Variants in HIVEP1 observed in about 807,000 individuals in gnomAD.
HIVEP1 encodes HIVEP zinc finger 1.
A neutral mutation model predicts 180.0 loss-of-function variants in HIVEP1; 36 were observed. The ratio of observed to expected loss-of-function variants is 0.20; its 90% CI spans 0.15 to 0.26. The LOEUF (loss-of-function observed/expected upper bound fraction) is 0.26, where lower values mean the gene tolerates loss of function less well. Ranked by LOEUF, HIVEP1 falls within the 10% of genes least tolerant of loss-of-function variation. HIVEP1 has a pLI of 1.00. For synonymous variants in HIVEP1, 1,239 were observed against 1,239.0 expected, an observed-to-expected ratio of 1.00 and a Z score of 0.00; for missense variants, 3,143 against 3,268.7, an observed-to-expected ratio of 0.96 and a Z score of 0.94.
At chr6:12,042,597 A>G (rs1173913762) in intron 2 of HIVEP1, among the ~76,000 whole-genome samples, 2 of 151,788 alleles carry the variant, frequency 1.3e-5, no homozygotes, top group African/African-American at 2.4e-5. Context: ...TGCCTTTATT[A>G]TACAGAATTT....
At chr6:12,022,095 A>G (rs1207507330) in intron 2 of HIVEP1, among the ~76,000 whole-genome samples, 2 of 152,218 alleles carry the variant, frequency 1.3e-5, no homozygotes, top group Non-Finnish European at 2.9e-5. Context: ...AAAACTTGTG[A>G]TAATTTTAAT....
Position 12,163,634 on chromosome 6 carries a change from A to G in HIVEP1, c.7330A>G (p.Thr2444Ala), listed in dbSNP as rs1404026932. 8.7e-6 allele frequency: 14 copies of G among 1,614,042 alleles called. No homozygotes were observed. The highest frequency in any genetic ancestry group is 3.3e-5 in the South Asian group (3 of 91,086). ...CAGAACTTTGGGTACTCATAGGAATACGGTCACAGAAGTGTCTGGCACTAC... is the reference window on the plus strand; with the variant it reads ...CAGAACTTTGGGTACTCATAGGAATGCGGTCACAGAAGTGTCTGGCACTAC... ...VHRTLGTHRN[T>A]VTEVSGTTNP... The change falls in exon 9 of 9, where the codon ACG becomes GCG. Residue 2444 changes from threonine (T) to alanine (A), a missense_variant. This residue lies in a region of HIVEP1 where 595 missense variants were observed against 602.2 expected (regional missense o/e 0.99). Coordinates refer to ENST00000379388, the MANE Select transcript of HIVEP1 (RefSeq NM_002114.4).
At chr6:12,033,322 A>ATATG (rs146256803) in intron 2 of HIVEP1, among the ~76,000 whole-genome samples, 18 of 148,882 alleles carry the variant, frequency 1.2e-4, no homozygotes, top group Admixed American at 4.7e-4. Flanking sequence ...GTAGAGGAGC[A>ATATG]TGTGTGTGTG....
At chr6:12,099,080 G>T (rs1419158991) in intron 3 of HIVEP1, among the ~76,000 whole-genome samples, 2 of 152,240 alleles carry the variant, frequency 1.3e-5, no homozygotes, top group African/African-American at 4.8e-5. Flanking sequence ...TTCATGCATG[G>T]CCTGATCTGC....
the HIVEP1 span, among the ~76,000 whole-genome samples, chr6:12,183,388 G>A: frequency 1.3e-5 from 2 of 152,354 alleles, no homozygotes; most frequent in South Asian, 2.1e-4. Context: ...CTGTGGAGCA[G>A]ACTCGCTTTA....
intron 3 of HIVEP1, among the ~76,000 whole-genome samples, chr6:12,112,085 C>G (rs939926788): frequency 1.3e-5 from 2 of 152,052 alleles, no homozygotes; most frequent in Admixed American, 6.5e-5. Context: ...TCAGTATAGG[C>G]CTGAAGACAA....
chr6:12,008,408 A>T (rs1332516705), upstream of HIVEP1: 1 of 152,186 alleles, frequency 6.6e-6, no homozygotes, highest in African/African-American at 2.4e-5. Flanking sequence ...GGGAAAATGA[A>T]TCTAATGTAG....
upstream of HIVEP1, chr6:12,012,261 GC>G (rs1465019617): frequency 1.5e-5 from 2 of 132,476 alleles, no homozygotes; most frequent in Admixed American, 7.3e-5. Flanking sequence ...TCCCCCCCCC[GC>G]CCCCCGGCCC....
chr6:12,114,973 C>G (rs1464414667), intron 3 of HIVEP1, among the ~76,000 whole-genome samples: 33 of 152,144 alleles, frequency 2.2e-4, no homozygotes, highest in Non-Finnish European at 2.9e-5. Flanking sequence ...CAAAAGAGAT[C>G]TGAAGTTTTT....
intron 2 of HIVEP1, among the ~76,000 whole-genome samples, chr6:12,073,584 C>T (rs936553846): frequency 1.3e-5 from 2 of 152,204 alleles, no homozygotes; most frequent in African/African-American, 4.8e-5. Context: ...GTGGCCTCAC[C>T]TCCTTCGCAT....
At chr6:12,099,455 C>T (rs370811929) in intron 3 of HIVEP1, among the ~76,000 whole-genome samples, 5 of 152,028 alleles carry the variant, frequency 3.3e-5, no homozygotes, top group African/African-American at 7.3e-5. Flanking sequence ...CGTGAGCCAC[C>T]GCGCCCGGCC....
chr6:12,092,687 CT>C (rs756668679), intron 3 of HIVEP1, among the ~76,000 whole-genome samples: 26 of 151,988 alleles, frequency 1.7e-4, no homozygotes, highest in Non-Finnish European at 2.6e-4. Context: ...TATGTTTAGT[CT>C]TTTTTTTCCT....
rs1349487881 is a variant in HIVEP1, at chr6:12,129,912, C to T, written c.6209+20C>T. Reference sequence around the variant, plus strand: ...TGGAGGGCAAGTACAAATTTTACTTCTTAAATGTACATTTAAACTGACTTT... The same window carrying T: ...TGGAGGGCAAGTACAAATTTTACTTTTTAAATGTACATTTAAACTGACTTT... On this transcript the variant is annotated intron_variant, in intron 5 of 8. Coordinates refer to ENST00000379388, the MANE Select transcript of HIVEP1 (RefSeq NM_002114.4). 1 of 1,486,046 alleles carries T rather than the reference C, an allele frequency of 6.7e-7. No individual in the cohort carries two copies. Among genetic ancestry groups the T allele is most frequent in the Non-Finnish European group, 9.3e-7 (1 of 1,078,030 alleles). The allele number at this position is 1,486,046 out of a possible 1,614,324, so 92.1% of individuals were successfully genotyped here. A position where few individuals can be genotyped will look rare whatever the true frequency, so the allele number is the denominator to read the frequency against.
chr6:12,116,357 A>T (rs1461600283), intron 3 of HIVEP1, among the ~76,000 whole-genome samples: 3 of 152,098 alleles, frequency 2.0e-5, no homozygotes, highest in African/African-American at 2.4e-5. Flanking sequence ...TTAGCTGCCC[A>T]CTCTGAGCTG....
At chr6:12,050,057 A>G (rs1042305984) in intron 2 of HIVEP1, among the ~76,000 whole-genome samples, 3 of 152,132 alleles carry the variant, frequency 2.0e-5, no homozygotes, top group African/African-American at 7.2e-5. Context: ...AAAGCCTCCT[A>G]TCTGATCAGC....
At chr6:12,168,795 G>A (rs955684123), downstream of HIVEP1, among the ~76,000 whole-genome samples, 1 of 152,028 alleles carries the variant, frequency 6.6e-6, no homozygotes, top group African/African-American at 2.4e-5. Flanking sequence ...ATTGTTAGAT[G>A]ATGTTGTCCA....
chr6:12,203,835 G>C, the HIVEP1 span, among the ~76,000 whole-genome samples: 2 of 152,164 alleles, frequency 1.3e-5, no homozygotes, highest in African/African-American at 4.8e-5. Context: ...CCAGCACTTT[G>C]GGGGGCCAAG....
intron 2 of HIVEP1, among the ~76,000 whole-genome samples, chr6:12,017,720 C>T (rs142016595): frequency 0.044 from 6,763 of 152,284 alleles, 194 homozygotes; most frequent in Middle Eastern, 0.15. Context: ...TCCAGGTCCC[C>T]ACTAGATTAG....
At chr6:12,158,586 G>C (rs1451093361) in intron 7 of HIVEP1, among the ~76,000 whole-genome samples, 2 of 152,140 alleles carry the variant, frequency 1.3e-5, no homozygotes, top group African/African-American at 4.8e-5. Context: ...TGTTCCGATT[G>C]AGTTACAGTC....
Sources: allele counts gnomAD v4.1 joint callset (sites outside exome capture counted in the v4.1 genomes callset), GRCh38; gene constraint gnomAD v4.1.1; regional missense constraint gnomAD v4.1.1; transcripts MANE v1.5; gene names NCBI Gene and HGNC (gene_info 2026-07-23, HGNC 2026-07-21).